MECOM: variants seen among roughly 807,000 people sequenced by gnomAD.
MECOM encodes the protein histone-lysine N-methyltransferase MECOM.
A neutral mutation model predicts 116.3 loss-of-function variants in MECOM; 13 were observed. The ratio of observed to expected loss-of-function variants is 0.11; its 90% CI spans 0.07 to 0.18. MECOM has a LOEUF of 0.18. Ranked by LOEUF, MECOM falls within the 10% of genes least tolerant of loss-of-function variation. The pLI, the probability that MECOM is intolerant of heterozygous loss-of-function variation, is 1.00. For synonymous variants in MECOM, 528 were observed against 535.2 expected (o/e 0.99, Z 0.19); for missense variants, 1,299 against 1,509.0 (o/e 0.86, Z 2.31).
chr3:169,363,034 CCATTT>C (rs1728559064), intron 2 of MECOM, among the ~76,000 whole-genome samples: 1 of 151,840 alleles, frequency 6.6e-6, no homozygotes, highest in South Asian at 2.1e-4. Flanking sequence ...TAAAATTTCC[CCATTT>C]CTTCACTACC....
intron 1 of MECOM, among the ~76,000 whole-genome samples, chr3:169,410,624 C>T (rs1319099045): frequency 6.6e-6 from 1 of 152,182 alleles, no homozygotes; most frequent in Non-Finnish European, 1.5e-5. Context: ...CATCATTTGA[C>T]ATTTCTCCTC....
intron 1 of MECOM, among the ~76,000 whole-genome samples, chr3:169,530,995 C>T (rs1353233854): frequency 6.6e-6 from 1 of 152,054 alleles, no homozygotes; most frequent in Non-Finnish European, 1.5e-5. Flanking sequence ...TGCAGGTTAC[C>T]ACACCTAAAT....
intron 1 of MECOM, among the ~76,000 whole-genome samples, chr3:169,428,421 A>T (rs1268196994): frequency 6.6e-6 from 1 of 152,142 alleles, no homozygotes; most frequent in South Asian, 2.1e-4. Context: ...GCCTATGAGA[A>T]TCGAATGCTG....
intron 1 of MECOM, among the ~76,000 whole-genome samples, chr3:169,389,870 G>A (rs184289607): frequency 3.9e-4 from 60 of 152,288 alleles, no homozygotes; most frequent in South Asian, 1.0e-3. Context: ...TACTGATGAC[G>A]GAACACATTA....
chr3:169,575,746 G>A (rs1764413049), intron 1 of MECOM, among the ~76,000 whole-genome samples: 2 of 152,206 alleles, frequency 1.3e-5, no homozygotes, highest in South Asian at 2.1e-4. Context: ...TCTCCTTACT[G>A]ACAAAGATAT....
intron 3 of MECOM, among the ~76,000 whole-genome samples, chr3:169,142,152 T>C (rs1275077999): frequency 6.6e-6 from 1 of 151,896 alleles, no homozygotes; most frequent in Non-Finnish European, 1.5e-5. Flanking sequence ...ACATTTATTA[T>C]AAAACACTAC....
intron 2 of MECOM, among the ~76,000 whole-genome samples, chr3:169,172,647 G>T (rs1240082715): frequency 6.6e-6 from 1 of 152,136 alleles, no homozygotes; most frequent in Non-Finnish European, 1.5e-5. Context: ...TAAGAGGAAA[G>T]AATAAACCTG....
chr3:169,177,881 T>C (rs961344159), intron 2 of MECOM, among the ~76,000 whole-genome samples: 3 of 150,070 alleles, frequency 2.0e-5, no homozygotes, highest in Non-Finnish European at 4.4e-5. Context: ...TCCCAGCCAC[T>C]GCACTCCAGC....
intron 2 of MECOM, among the ~76,000 whole-genome samples, chr3:169,357,758 C>A (rs1727513943): frequency 6.6e-6 from 1 of 151,574 alleles, no homozygotes; most frequent in Non-Finnish European, 1.5e-5. Context: ...AAAGGAGTTA[C>A]ACTGACATTT....
rs757616367 is a variant in MECOM, at chr3:169,116,211, T to C, written c.1661A>G (p.Asn554Ser). ...ALSKHPSVGD[N>S]KPVELQPERS... ...CTCGGGCTGGAGCTCCACTGGCTTA[T>C]TGTCCCCTACAGATGGGTGTTTAGA... Residue 554 changes from asparagine to serine, a missense_variant, in exon 8 of 17, where the codon AAT (asparagine) becomes AGT (serine). Transcript: ENST00000651503. 6.2e-7 allele frequency: 1 copy of C among 1,614,188 alleles called. No homozygotes were observed. Among genetic ancestry groups the C allele is most frequent in the Non-Finnish European group, 8.5e-7 (1 of 1,180,020 alleles).
intron 2 of MECOM, among the ~76,000 whole-genome samples, chr3:169,204,361 A>G (rs1290913411): frequency 1.3e-5 from 2 of 152,192 alleles, no homozygotes; most frequent in Admixed American, 6.5e-5. Flanking sequence ...GATTTAGACA[A>G]TAGCCCCAAT....
chr3:169,561,808 A>G (rs959347066), intron 1 of MECOM, among the ~76,000 whole-genome samples: 1 of 152,162 alleles, frequency 6.6e-6, no homozygotes, highest in African/African-American at 2.4e-5. Flanking sequence ...TCCATTATTT[A>G]GTCTTTTTTT....
At chr3:169,233,271 A>T (rs1753643211) in intron 2 of MECOM, among the ~76,000 whole-genome samples, 1 of 152,166 alleles carries the variant, frequency 6.6e-6, no homozygotes, top group Non-Finnish European at 1.5e-5. Flanking sequence ...ATCTTATTTG[A>T]TAATTCTTCA....
intron 7 of MECOM, among the ~76,000 whole-genome samples, chr3:169,117,076 TATACTA>T: frequency 6.6e-6 from 1 of 152,282 alleles, no homozygotes; most frequent in Middle Eastern, 3.4e-3. Flanking sequence ...ACACAATTAT[TATACTA>T]ATATAATGTT....
intron 1 of MECOM, among the ~76,000 whole-genome samples, chr3:169,589,306 G>A (rs568853508): frequency 1.3e-5 from 2 of 152,102 alleles, no homozygotes; most frequent in East Asian, 1.9e-4. Flanking sequence ...AGGCTTTGCA[G>A]CATAAGAGCT....
chr3:169,294,716 T>TA (rs1488245605), intron 2 of MECOM, among the ~76,000 whole-genome samples: 1 of 152,140 alleles, frequency 6.6e-6, no homozygotes, highest in Non-Finnish European at 1.5e-5. Flanking sequence ...ATGATGAATC[T>TA]AAAAATCTGA....
intron 2 of MECOM, among the ~76,000 whole-genome samples, chr3:169,325,177 G>T (rs992288370): frequency 2.6e-5 from 4 of 152,180 alleles, no homozygotes; most frequent in African/African-American, 9.6e-5. Flanking sequence ...ACCATTCACA[G>T]AACAGGAGCA....
At chr3:169,087,183 T>C (rs906611656) in intron 16 of MECOM, among the ~76,000 whole-genome samples, 4 of 152,208 alleles carry the variant, frequency 2.6e-5, no homozygotes, top group African/African-American at 4.8e-5. Flanking sequence ...CCCTTATCTG[T>C]AGGTTTTCAG....
chr3:169,134,144 T>A (rs1401146963), intron 3 of MECOM, among the ~76,000 whole-genome samples: 1 of 152,236 alleles, frequency 6.6e-6, no homozygotes, highest in Non-Finnish European at 1.5e-5. Context: ...TATTTCTTTG[T>A]AGTCCACTAT....
Sources: allele counts gnomAD v4.1 joint callset (sites outside exome capture counted in the v4.1 genomes callset), GRCh38; gene constraint gnomAD v4.1.1; transcripts MANE v1.5; gene names NCBI Gene and HGNC (gene_info 2026-07-23, HGNC 2026-07-21).